EPHA6: variants seen among roughly 807,000 people sequenced by gnomAD.
EPHA6 encodes ephrin type-A receptor 6.
EPHA6 carries 50 observed loss-of-function variants against 112.0 expected under a neutral mutation model. The ratio of observed to expected loss-of-function variants is 0.45; its 90% confidence interval spans 0.36 to 0.56. The LOEUF is 0.56. Among genes scored for constraint, EPHA6 ranks in the 20% least tolerant of loss-of-function variants. EPHA6 has a pLI of 0.00. For missense variants in EPHA6, 1,280 were observed against 1,417.4 expected (o/e 0.90, Z 1.56); for synonymous variants, 529 against 490.7 (o/e 1.08, Z -1.03).
Position 97,092,832 on chromosome 3 carries a change from G to A in EPHA6, c.1114+104839G>A, listed in dbSNP as rs1289279334. ...GTTTCACTATTTATTGGCTGTTTTA[G>A]TTAGAGTTACACAATTGCAAAAAAA... On this transcript the variant is annotated intron_variant, in intron 3 of 17. Transcript: ENST00000389672. Among the ~76,000 whole-genome samples the A allele has an allele frequency of 4.7e-5, 7 of 149,496 alleles. No homozygotes were observed. The Admixed American group carries it at 4.7e-4, about 10-fold the overall frequency.
chr3:97,539,430 G>C (rs1339066541), intron 11 of EPHA6, among the ~76,000 whole-genome samples: 1 of 152,096 alleles, frequency 6.6e-6, no homozygotes, highest in Admixed American at 6.6e-5. Flanking sequence ...TTACAGGCAT[G>C]AGCCATCACA....
At chr3:97,688,534 A>G (rs1186504120) in intron 14 of EPHA6, among the ~76,000 whole-genome samples, 2 of 133,472 alleles carry the variant, frequency 1.5e-5, no homozygotes, top group Non-Finnish European at 3.1e-5. Flanking sequence ...ATGAGAACAC[A>G]TGGACACAGG....
chr3:96,827,468 T>G (rs530766923), intron 1 of EPHA6, among the ~76,000 whole-genome samples: 8 of 152,148 alleles, frequency 5.3e-5, no homozygotes, highest in South Asian at 2.1e-4. Context: ...CTTCATTTTC[T>G]AGATATGTTA....
chr3:96,944,040 C>T (rs934854523), intron 2 of EPHA6, among the ~76,000 whole-genome samples: 5 of 152,186 alleles, frequency 3.3e-5, no homozygotes, highest in Admixed American at 3.3e-4. Flanking sequence ...TTAGCTATTA[C>T]ACATTTTTCT....
At chr3:97,651,366 G>C (rs951067933) in intron 14 of EPHA6, among the ~76,000 whole-genome samples, 5 of 151,888 alleles carry the variant, frequency 3.3e-5, no homozygotes, top group African/African-American at 9.7e-5. Context: ...TTCACAAGCA[G>C]ACAAGAAAAT....
chr3:97,262,888 T>G (rs754786785), intron 5 of EPHA6, among the ~76,000 whole-genome samples: 2 of 152,154 alleles, frequency 1.3e-5, no homozygotes, highest in Non-Finnish European at 2.9e-5. Context: ...CAGTACCAAT[T>G]TGTTGAATGT....
chr3:97,640,582 C>T (rs2093993325), intron 14 of EPHA6, among the ~76,000 whole-genome samples: 1 of 151,440 alleles, frequency 6.6e-6, no homozygotes, highest in East Asian at 1.9e-4. Context: ...ACCAGCCCGA[C>T]CAATATGGAG....
At chr3:96,968,538 T>C (rs935631899) in intron 2 of EPHA6, among the ~76,000 whole-genome samples, 2 of 151,736 alleles carry the variant, frequency 1.3e-5, no homozygotes, top group Non-Finnish European at 3.0e-5. Flanking sequence ...TAACATTTAA[T>C]CATTTTTGTC....
At chr3:97,030,856 G>T (rs546490044) in intron 3 of EPHA6, among the ~76,000 whole-genome samples, 2 of 151,942 alleles carry the variant, frequency 1.3e-5, no homozygotes, top group South Asian at 4.2e-4. Context: ...TTTTTCTATC[G>T]CCATAAACTA....
chr3:97,219,471 C>A (rs1221031039), intron 3 of EPHA6, among the ~76,000 whole-genome samples: 1 of 152,166 alleles, frequency 6.6e-6, no homozygotes, highest in Admixed American at 6.5e-5. Context: ...CCTGAAGGCC[C>A]AACAGCACAT....
At chr3:97,201,119 A>C (rs1413262456) in intron 3 of EPHA6, among the ~76,000 whole-genome samples, 1 of 152,134 alleles carries the variant, frequency 6.6e-6, no homozygotes, top group Non-Finnish European at 1.5e-5. Flanking sequence ...CCAATGTATT[A>C]GCTTGACAAT....
intron 3 of EPHA6, among the ~76,000 whole-genome samples, chr3:97,121,429 C>G (rs1218524334): frequency 6.6e-6 from 1 of 152,040 alleles, no homozygotes; most frequent in East Asian, 1.9e-4. Flanking sequence ...TCAAAAGCCT[C>G]TTGGGATGGA....
At chr3:96,886,040 T>C (rs1469630912) in intron 2 of EPHA6, among the ~76,000 whole-genome samples, 1 of 152,216 alleles carries the variant, frequency 6.6e-6, no homozygotes, top group East Asian at 1.9e-4. Context: ...TTTTGATGGT[T>C]CCTCTTGGAG....
rs545644177 is a variant in EPHA6, at chr3:97,728,913, A to G, written c.2935-7012A>G. Among the ~76,000 whole-genome samples the G allele has an allele frequency of 1.3e-3, 200 of 152,162 alleles. 2 individuals are homozygous for G. The highest frequency in any genetic ancestry group is 4.4e-3 in the African/African-American group (183 of 41,536). On this transcript the variant is annotated intron_variant, in intron 15 of 17. Coordinates refer to ENST00000389672, the MANE Select transcript of EPHA6 (RefSeq NM_001080448.3). ...ATGAGAGTCCTACATGTTGTTCCTC[A>G]TTTTGTCCACTCATTTAACAATCCG...
chr3:97,034,776 A>G (rs546575589), intron 3 of EPHA6, among the ~76,000 whole-genome samples: 1 of 152,084 alleles, frequency 6.6e-6, no homozygotes, highest in South Asian at 2.1e-4. Context: ...TACTGTTTCT[A>G]TGTTCCAGAT....
chr3:97,550,599 T>C (rs1405664795), intron 11 of EPHA6, among the ~76,000 whole-genome samples: 1 of 152,210 alleles, frequency 6.6e-6, no homozygotes, highest in Non-Finnish European at 1.5e-5. Flanking sequence ...GATGCAATTC[T>C]GCAAGAATTA....
rs78553978 is a variant in EPHA6, at chr3:97,463,276, A to G, written c.1895-12076A>G. On this transcript the variant is annotated intron_variant, in intron 7 of 17. Coordinates refer to ENST00000389672, the MANE Select transcript of EPHA6 (RefSeq NM_001080448.3). ...AAGTAGCACGACTTTCCCCATGTAT[A>G]TAATAACATATCTAAATTGGTTTTA... Among the ~76,000 whole-genome samples the G allele has an allele frequency of 3.4e-3, 516 of 152,200 alleles. 3 individuals are homozygous for G. Among genetic ancestry groups the G allele is most frequent in the African/African-American group, 0.011 (453 of 41,534 alleles).
chr3:97,590,128 A>T (rs2093529595), intron 11 of EPHA6: 1 of 152,186 alleles, frequency 6.6e-6, no homozygotes, highest in Admixed American at 6.5e-5. Flanking sequence ...AAGGAGAAAA[A>T]TGATAAGGCA....
chr3:97,736,446 GTAGA>G (rs1269657186), intron 16 of EPHA6, among the ~76,000 whole-genome samples: 4 of 84,296 alleles, frequency 4.7e-5, no homozygotes, highest in Non-Finnish European at 1.0e-4. Flanking sequence ...ACCTTTAGAA[GTAGA>G]GAGAGAGAGA....
Sources: gnomAD v4.1 joint callset for allele counts (sites outside exome capture counted in the v4.1 genomes callset) on GRCh38, gnomAD v4.1.1 for gene constraint, MANE v1.5 for transcripts, NCBI Gene and HGNC (gene_info 2026-07-23, HGNC 2026-07-21) for gene names.